EHMT1: variants seen among roughly 807,000 people sequenced by gnomAD.
The protein encoded by EHMT1 is euchromatic histone lysine methyltransferase 1.
EHMT1 carries 15 observed loss-of-function variants against 147.2 expected under a neutral mutation model. The ratio of observed to expected loss-of-function variants is 0.10; its 90% confidence interval spans 0.07 to 0.16. EHMT1 has a LOEUF of 0.16. Ranked by LOEUF, EHMT1 falls within the 10% of genes least tolerant of loss-of-function variation. The probability of loss-of-function intolerance (pLI) is 1.00; values close to 1 mark genes in which losing one functional copy is unlikely to be tolerated. For missense variants in EHMT1, 1,587 were observed against 1,772.4 expected (o/e 0.90, Z 1.88); for synonymous variants, 795 against 709.6 (o/e 1.12, Z -1.91).
intron 4 of EHMT1, among the ~76,000 whole-genome samples, chr9:137,742,462 CAG>C (rs1390621828): frequency 6.6e-6 from 1 of 152,130 alleles, no homozygotes; most frequent in Non-Finnish European, 1.5e-5. Flanking sequence ...CAGCTTTAAA[CAG>C]AGTGGATTTT....
intron 25 of EHMT1, chr9:137,820,015 A>G (rs994993256): frequency 1.6e-4 from 24 of 152,152 alleles, no homozygotes; most frequent in African/African-American, 5.8e-4. Context: ...CAGTGGGGAA[A>G]TAAAGGTTTT....
intron 1 of EHMT1, among the ~76,000 whole-genome samples, chr9:137,680,374 G>A (rs1389148454): frequency 2.6e-5 from 4 of 152,164 alleles, no homozygotes; most frequent in South Asian, 2.1e-4. Flanking sequence ...TTGGGAGGCC[G>A]AGGCATGAGA....
chr9:137,751,854 G>A (rs542107549), intron 6 of EHMT1, among the ~76,000 whole-genome samples: 32 of 152,338 alleles, frequency 2.1e-4, no homozygotes, highest in Admixed American at 4.6e-4. Context: ...TGGTGGCTCC[G>A]AGGATTGGAC....
chr9:137,629,871 G>A (rs1470702165), intron 1 of EHMT1, among the ~76,000 whole-genome samples: 3 of 152,130 alleles, frequency 2.0e-5, no homozygotes, highest in African/African-American at 2.4e-5. Context: ...CCTATGGCAG[G>A]TATGATATAG....
chr9:137,645,285 C>T (rs191360923), intron 1 of EHMT1, among the ~76,000 whole-genome samples: 2 of 152,320 alleles, frequency 1.3e-5, no homozygotes, highest in East Asian at 1.9e-4. Context: ...AATTGGCTTG[C>T]GCCTTTATTG....
At chr9:137,662,666 A>AT (rs368265583) in intron 1 of EHMT1, among the ~76,000 whole-genome samples, 2 of 151,818 alleles carry the variant, frequency 1.3e-5, no homozygotes, top group Non-Finnish European at 2.9e-5. Flanking sequence ...CACTGGGCTA[A>AT]TTTTTTGTAT....
chr9:137,823,079 G>A lies in EHMT1; in HGVS notation c.3540+4941G>A, dbSNP rs373797848. 2.3e-4 allele frequency among the ~76,000 whole-genome samples: 32 copies of A among 142,010 alleles called. 1 individual carries two copies. The highest frequency in any genetic ancestry group is 1.8e-3 in the South Asian group (8 of 4,340). 93.2% of individuals were successfully genotyped at this position (142,010 alleles called of 152,430 possible). On this transcript the variant is annotated intron_variant, in intron 25 of 26. Transcript: ENST00000460843. ...CTGAGTAGCTGGGACTACAGGCGCC[G>A]GCCACCATGCCTGGCTAATTGTTTT... is the stretch of plus-strand genomic sequence containing the variant.
intron 1 of EHMT1, among the ~76,000 whole-genome samples, chr9:137,690,369 G>A (rs114667391): frequency 6.6e-6 from 1 of 152,142 alleles, no homozygotes; most frequent in East Asian, 1.9e-4. Context: ...AGGAGGCTGA[G>A]CTTAGCGGCT....
chr9:137,625,364 T>TTTGTTG (rs935724446), intron 1 of EHMT1, among the ~76,000 whole-genome samples: 2 of 151,970 alleles, frequency 1.3e-5, no homozygotes, highest in South Asian at 2.1e-4. Flanking sequence ...TAGGAGGTTT[T>TTTGTTG]TTGTTGTTGT....
intron 18 of EHMT1, among the ~76,000 whole-genome samples, chr9:137,807,168 A>G (rs936157422): frequency 1.3e-4 from 20 of 152,330 alleles, no homozygotes; most frequent in Admixed American, 2.6e-4. Flanking sequence ...CACGCTTTCC[A>G]GTATTCCAGC....
intron 14 of EHMT1, among the ~76,000 whole-genome samples, chr9:137,781,610 G>C (rs1017510144): frequency 2.0e-5 from 3 of 152,166 alleles, no homozygotes; most frequent in African/African-American, 7.2e-5. Flanking sequence ...TTTCTAATAC[G>C]CAAAAGCATA....
chr9:137,662,109 C>T (rs1939146845), intron 1 of EHMT1, among the ~76,000 whole-genome samples: 1 of 152,114 alleles, frequency 6.6e-6, no homozygotes, highest in South Asian at 2.1e-4. Context: ...GCCAAGAAAT[C>T]TATTAATGGG....
Position 137,675,006 on chromosome 9 carries a change from A to G in EHMT1, c.22-35961A>G, listed in dbSNP as rs185635650. 5.3e-4 allele frequency: 80 copies of G among 152,308 alleles called. 2 individuals are homozygous for G. The highest frequency in any genetic ancestry group is 5.0e-3 in the Admixed American group (77 of 15,292). 9.4% of individuals were successfully genotyped at this position (152,308 alleles called of 1,614,324 possible). ...GTGGGCCGCGTAAGGTCTCTGATGC[A>G]TATTCTTTTTTATTTTTACAACTTA... On this transcript the variant is annotated intron_variant, in intron 1 of 26. Transcript: ENST00000460843.
intron 25 of EHMT1, chr9:137,832,619 C>T (rs2133112473): frequency 6.4e-6 from 1 of 155,460 alleles, no homozygotes; most frequent in Non-Finnish European, 1.4e-5. Flanking sequence ...TCCCACGTTG[C>T]CTATCTGCCT....
At chr9:137,721,642 CA>C (rs1946066717) in intron 3 of EHMT1, among the ~76,000 whole-genome samples, 1 of 150,334 alleles carries the variant, frequency 6.7e-6, no homozygotes, top group Non-Finnish European at 1.5e-5. Flanking sequence ...CCACGCCTCT[CA>C]CTCTTGTTCC....
At chr9:137,745,765 A>AT (rs1948495050) in intron 6 of EHMT1, 1 of 384,950 alleles carries the variant, frequency 2.6e-6, no homozygotes. Flanking sequence ...CCGGAGGCTC[A>AT]TAAGTGCTGT....
At chr9:137,820,438 T>A (rs2132864062) in intron 25 of EHMT1, among the ~76,000 whole-genome samples, 1 of 152,380 alleles carries the variant, frequency 6.6e-6, no homozygotes, top group South Asian at 2.1e-4. Context: ...AGATGTCGCC[T>A]TCTCTCTATG....
At chr9:137,741,506 G>A (rs148795154) in intron 4 of EHMT1, among the ~76,000 whole-genome samples, 218 of 152,308 alleles carry the variant, frequency 1.4e-3, no homozygotes, top group Admixed American at 2.0e-3. Context: ...GGGCATGGGT[G>A]TGCACCAATA....
chr9:137,736,769 T>C (rs1372871289), intron 4 of EHMT1, among the ~76,000 whole-genome samples: 2 of 152,084 alleles, frequency 1.3e-5, no homozygotes, highest in Admixed American at 1.3e-4. Context: ...CACGTCCCTG[T>C]AATCCCAGAT....
Sources: gnomAD v4.1 joint callset for allele counts (sites outside exome capture counted in the v4.1 genomes callset) on GRCh38, gnomAD v4.1.1 for gene constraint, MANE v1.5 for transcripts, NCBI Gene and HGNC (gene_info 2026-07-23, HGNC 2026-07-21) for gene names.